EML4: variants seen among roughly 807,000 people sequenced by gnomAD.
EML4 encodes echinoderm microtubule-associated protein-like 4.
In EML4, 72 loss-of-function variants were observed where a neutral mutation model predicts 129.0. The observed-to-expected ratio is 0.56, with a 90% CI of 0.46 to 0.68. EML4 has a LOEUF of 0.68. Ranked by LOEUF, EML4 falls within the 30% of genes least tolerant of loss-of-function variation. The pLI is 0.00. For missense variants in EML4, 1,363 were observed against 1,190.6 expected, an observed-to-expected ratio of 1.14 and a Z score of -2.13; for synonymous variants, 532 against 405.0, an observed-to-expected ratio of 1.31 and a Z score of -3.77.
At chr2:42,171,813 C>A (rs573518264) in intron 1 of EML4, among the ~76,000 whole-genome samples, 2 of 152,192 alleles carry the variant, frequency 1.3e-5, no homozygotes, top group African/African-American at 4.8e-5. Flanking sequence ...CTCTTTCTGT[C>A]CCCCTTGCAA....
At chr2:42,245,315 C>T (rs927701809) in intron 1 of EML4, among the ~76,000 whole-genome samples, 190 bp from the exon 2 acceptor site, 2 of 151,402 alleles carry the variant, frequency 1.3e-5, no homozygotes, top group Admixed American at 1.3e-4. Flanking sequence ...ATGCTGGTCT[C>T]CAACTCCTGA....
intron 17 of EML4, among the ~76,000 whole-genome samples, chr2:42,306,096 G>C (rs959351459): frequency 1.3e-5 from 2 of 152,178 alleles, no homozygotes; most frequent in African/African-American, 4.8e-5. Context: ...CTGCTTGAGA[G>C]AGCATTTGGT....
intron 9 of EML4, 108 bp downstream of exon 9, chr2:42,284,811 G>C (rs1325443135): frequency 1.4e-6 from 1 of 725,410 alleles, no homozygotes. Flanking sequence ...TAAAATTTAA[G>C]TACTGAGGAA....
chr2:42,295,222 G>A lies in EML4; in HGVS notation c.1316G>A (p.Ser439Asn). ...TCTCATATTTTCTTCTGGACCTGGA[G>A]CGGCAATTCACTAACAAGAAAACAG... Reference protein sequence around the residue: ...GKSHIFFWTWSGNSLTRKQGI... With the variant: ...GKSHIFFWTWNGNSLTRKQGI... The change falls in exon 12 of 23, where the codon AGC (serine) becomes AAC (asparagine). Residue 439 changes from serine (S) to asparagine (N), a missense_variant. By Grantham distance (46) the Ser-to-Asn change is conservative (BLOSUM62 1). Transcript: ENST00000318522. The A allele has an allele frequency of 6.2e-7, 1 of 1,613,690 alleles. No individual in the cohort carries two copies. The highest frequency in any genetic ancestry group is 8.5e-7 in the Non-Finnish European group (1 of 1,179,920).
chr2:42,249,293 A>AATTTT (rs1675616382), intron 2 of EML4, among the ~76,000 whole-genome samples: 1 of 151,252 alleles, frequency 6.6e-6, no homozygotes, highest in African/African-American at 2.4e-5. Flanking sequence ...TTTATGTGTG[A>AATTTT]TTTTTTAGCC....
At position 42,329,627 on chromosome 2, in the gene EML4, C is replaced by G. The variant is rs909042150; in HGVS notation, c.2473-107C>G. On this transcript the variant is annotated intron_variant, in intron 22 of 22. Coordinates refer to ENST00000318522, the MANE Select transcript of EML4 (RefSeq NM_019063.5). ...GACTTCTGGCTTTAAATTGGATTGCCCATTTCACAAGCTGAGTTTACCCCC... is the reference window on the plus strand; with the variant it reads ...GACTTCTGGCTTTAAATTGGATTGCGCATTTCACAAGCTGAGTTTACCCCC... 6.0e-6 allele frequency: 5 copies of G among 835,164 alleles called. No homozygotes were observed. The African/African-American group carries it at 6.8e-5, about 11-fold the overall frequency. The allele number at this position is 835,164 out of a possible 1,614,324, so 51.7% of individuals were successfully genotyped here.
intron 11 of EML4, among the ~76,000 whole-genome samples, chr2:42,290,462 C>T (rs1408131442): frequency 1.3e-5 from 2 of 151,680 alleles, no homozygotes; most frequent in Non-Finnish European, 2.9e-5. Flanking sequence ...TGCTGTGGCT[C>T]ACGCCTATAA....
chr2:42,319,720 T>C (rs957628861), intron 19 of EML4: 1 of 152,372 alleles, frequency 6.6e-6, no homozygotes, highest in East Asian at 1.9e-4. Flanking sequence ...AACTGGAGTT[T>C]ATAATAGTTC....
At chr2:42,209,022 A>C (rs1438066633) in intron 1 of EML4, among the ~76,000 whole-genome samples, 1 of 152,122 alleles carries the variant, frequency 6.6e-6, no homozygotes, top group Admixed American at 6.5e-5. Flanking sequence ...TTATCCCCTA[A>C]GAGTCCATCG....
chr2:42,295,754 A>T (rs1280268725), intron 13 of EML4, among the ~76,000 whole-genome samples: 1 of 152,226 alleles, frequency 6.6e-6, no homozygotes, highest in Non-Finnish European at 1.5e-5. Context: ...TAGGAAGTTA[A>T]TAATTAGAAA....
intron 19 of EML4, chr2:42,325,233 A>G (rs781759740): frequency 4.1e-5 from 24 of 585,598 alleles, no homozygotes; most frequent in South Asian, 3.2e-4. Flanking sequence ...GGAAGTGTCT[A>G]ATACAGGTAG....
At chr2:42,175,403 G>A (rs569895532) in intron 1 of EML4, among the ~76,000 whole-genome samples, 39 of 152,220 alleles carry the variant, frequency 2.6e-4, no homozygotes, top group African/African-American at 8.7e-4. Flanking sequence ...GTGAGCCACC[G>A]CACCTGGCCA....
chr2:42,187,569 G>A (rs1462998695), intron 1 of EML4, among the ~76,000 whole-genome samples: 1 of 152,048 alleles, frequency 6.6e-6, no homozygotes, highest in Non-Finnish European at 1.5e-5. Flanking sequence ...TGGCTGTTAC[G>A]AATAAAGCTG....
At chr2:42,212,136 G>A (rs528875507) in intron 1 of EML4, among the ~76,000 whole-genome samples, 2 of 152,108 alleles carry the variant, frequency 1.3e-5, no homozygotes, top group Non-Finnish European at 2.9e-5. Context: ...GTGAGCTACC[G>A]TGCCTGATCC....
At chr2:42,241,338 GT>G (rs1183299347) in intron 1 of EML4, among the ~76,000 whole-genome samples, 1 of 152,190 alleles carries the variant, frequency 6.6e-6, no homozygotes, top group African/African-American at 2.4e-5. Flanking sequence ...ACTATGCTCT[GT>G]TACATTGCCA....
chr2:42,185,042 A>T (rs1264179377), intron 1 of EML4, among the ~76,000 whole-genome samples: 1 of 152,194 alleles, frequency 6.6e-6, no homozygotes, highest in Non-Finnish European at 1.5e-5. Flanking sequence ...GTGCAATGAT[A>T]CATCTGTGAC....
At chr2:42,209,915 GCAAAACTCAGTCTCAAAAC>G (rs760652205) in intron 1 of EML4, among the ~76,000 whole-genome samples, 121 of 151,824 alleles carry the variant, frequency 8.0e-4, no homozygotes, top group Admixed American at 2.8e-3. Flanking sequence ...GGCAACAAGG[GCAAAACTCAGTCTCAAAAC>G]CAAAAAAACA....
chr2:42,217,309 A>G (rs1450652978), intron 1 of EML4, among the ~76,000 whole-genome samples: 1 of 152,170 alleles, frequency 6.6e-6, no homozygotes, highest in Non-Finnish European at 1.5e-5. Flanking sequence ...TAACCCATCA[A>G]GGCAGTTGAG....
chr2:42,183,278 A>G (rs1207700830), intron 1 of EML4, among the ~76,000 whole-genome samples: 3 of 152,216 alleles, frequency 2.0e-5, no homozygotes, highest in Non-Finnish European at 4.4e-5. Flanking sequence ...CCCTGCTCTC[A>G]TGAAGCTTGT....
Sources: gnomAD v4.1 joint callset for allele counts (sites outside exome capture counted in the v4.1 genomes callset) on GRCh38, gnomAD v4.1.1 for gene constraint, MANE v1.5 for transcripts, NCBI Gene and HGNC (gene_info 2026-07-23, HGNC 2026-07-21) for gene names.